The following FHOD3 variants were observed in gnomAD, a reference collection of about 807,000 sequenced individuals.
FHOD3 encodes FH1/FH2 domain-containing protein 3.
Under a neutral mutation model 173.0 loss-of-function variants are expected in FHOD3, and 90 were observed. That is an observed-to-expected ratio of 0.52 (90% CI 0.44 to 0.62). FHOD3 has a LOEUF of 0.62. Among genes scored for constraint, FHOD3 ranks in the 20% least tolerant of loss-of-function variants. FHOD3 has a pLI of 0.00. For missense variants in FHOD3, 1,945 were observed against 2,034.7 expected, an observed-to-expected ratio of 0.96 and a Z score of 0.85; for synonymous variants, 828 against 823.0, an observed-to-expected ratio of 1.01 and a Z score of -0.10.
chr18:36,674,008 C>T (rs960033308), intron 14 of FHOD3, among the ~76,000 whole-genome samples: 5 of 152,172 alleles, frequency 3.3e-5, no homozygotes, highest in Non-Finnish European at 7.4e-5. Flanking sequence ...TTTACCTCTC[C>T]ACCTCACATA....
chr18:36,581,541 C>T (rs2058851527), intron 6 of FHOD3, among the ~76,000 whole-genome samples: 1 of 152,170 alleles, frequency 6.6e-6, no homozygotes, highest in Non-Finnish European at 1.5e-5. Flanking sequence ...TGGATCTCAT[C>T]CTTCCATCTG....
In FHOD3 at chr18:36,759,155, T is replaced by C. The variant is rs2042762068; in HGVS notation, c.4449+14T>C. On this transcript the variant is annotated intron_variant, in intron 26 of 28. Transcript: ENST00000590592. ...GAGGAAGTTGAGGTATGACCATTTA[T>C]GAACATGAAGAATGCCACATTTTAC... is the stretch of plus-strand genomic sequence containing the variant. 6.5e-7 allele frequency: 1 copy of C among 1,535,818 alleles called. No individual in the cohort carries two copies. The highest frequency in any genetic ancestry group is 8.7e-7 in the Non-Finnish European group (1 of 1,146,624).
Position 36,687,164 on chromosome 18 carries a change from A to G in FHOD3, c.2007A>G (p.Gln669=), listed in dbSNP as rs1432552543. 6 of 1,611,232 alleles carry G rather than the reference A, an allele frequency of 3.7e-6. No individual in the cohort carries two copies. The highest frequency in any genetic ancestry group is 4.2e-6 in the Non-Finnish European group (5 of 1,177,966). Residue 669 remains glutamine (Q), a synonymous_variant, in exon 16 of 29, where the codon CAA becomes CAG. Coordinates refer to ENST00000590592, the MANE Select transcript of FHOD3 (RefSeq NM_001281740.3). Reference sequence around the variant, plus strand: ...TAGACAAAAGAGAGGAGCAAAGGCAAGCAAGAGAAGAAAGGTTTGTATATT... The same window carrying G: ...TAGACAAAAGAGAGGAGCAAAGGCAGGCAAGAGAAGAAAGGTTTGTATATT... The part of the protein sequence containing the change: ...DYLDKREEQR[Q]AREERYKYLE...
chr18:36,755,384 G>A, intron 25 of FHOD3, 73 bp downstream of exon 25: 2 of 334,974 alleles, frequency 6.0e-6, no homozygotes, highest in Non-Finnish European at 9.2e-6. Context: ...CCTCCCCACA[G>A]TTAAAAGCTG....
At chr18:36,695,105 G>A (rs1336276360) in intron 17 of FHOD3, among the ~76,000 whole-genome samples, 1 of 151,896 alleles carries the variant, frequency 6.6e-6, no homozygotes, top group Non-Finnish European at 1.5e-5. Context: ...CACTTTGGGA[G>A]GCCGAGGTGG....
At chr18:36,315,081 T>G (rs534868021) in intron 1 of FHOD3, among the ~76,000 whole-genome samples, 1 of 152,008 alleles carries the variant, frequency 6.6e-6, no homozygotes, top group South Asian at 2.1e-4. Context: ...CTCCAGGAAC[T>G]GATAGGCCAT....
chr18:36,407,467 A>AC (rs1436536772), intron 3 of FHOD3, among the ~76,000 whole-genome samples: 1 of 152,028 alleles, frequency 6.6e-6, no homozygotes, highest in Non-Finnish European at 1.5e-5. Flanking sequence ...CCTTGTTATG[A>AC]CCCTCACACT....
chr18:36,561,894 G>A (rs1171537277), intron 5 of FHOD3, among the ~76,000 whole-genome samples: 1 of 152,102 alleles, frequency 6.6e-6, no homozygotes, highest in Non-Finnish European at 1.5e-5. Context: ...ATGTTGGGCA[G>A]GCTTGTAATA....
intron 3 of FHOD3, among the ~76,000 whole-genome samples, chr18:36,448,030 A>G (rs1383698708): frequency 6.6e-6 from 1 of 152,230 alleles, no homozygotes; most frequent in East Asian, 1.9e-4. Flanking sequence ...TTTCCTTTTC[A>G]AAAATAAATA....
intron 3 of FHOD3, among the ~76,000 whole-genome samples, chr18:36,383,312 C>T (rs546868671): frequency 3.9e-4 from 60 of 152,334 alleles, no homozygotes; most frequent in Middle Eastern, 3.4e-3. Flanking sequence ...ATGTGGACAT[C>T]TGAGGCTGGA....
At chr18:36,487,299 A>G (rs78664079) in intron 3 of FHOD3, among the ~76,000 whole-genome samples, 15,321 of 152,210 alleles carry the variant, frequency 0.1, 858 homozygotes, top group East Asian at 0.23. Context: ...CAGGTTCTCC[A>G]TAAGCTTATA....
chr18:36,619,538 T>A (rs965396587), intron 9 of FHOD3, among the ~76,000 whole-genome samples: 1 of 152,230 alleles, frequency 6.6e-6, no homozygotes, highest in Non-Finnish European at 1.5e-5. Context: ...ATTCCTGTGA[T>A]CATTTCCTTA....
intron 5 of FHOD3, among the ~76,000 whole-genome samples, chr18:36,539,613 G>A (rs1160566762): frequency 6.6e-6 from 1 of 152,200 alleles, no homozygotes; most frequent in African/African-American, 2.4e-5. Flanking sequence ...GCAGACCCAG[G>A]CTCTTGGCCA....
At chr18:36,511,817 C>G (rs1299310744) in intron 4 of FHOD3, among the ~76,000 whole-genome samples, 3 of 152,234 alleles carry the variant, frequency 2.0e-5, no homozygotes, top group Non-Finnish European at 4.4e-5. Flanking sequence ...CTTCTGTGAT[C>G]AGGTCTGCAA....
At chr18:36,570,640 T>C (rs1262704066) in intron 5 of FHOD3, among the ~76,000 whole-genome samples, 2 of 152,038 alleles carry the variant, frequency 1.3e-5, no homozygotes, top group East Asian at 3.9e-4. Context: ...CAACAAATAT[T>C]AGTAAATCAA....
At position 36,653,467 on chromosome 18, in the gene FHOD3, C is replaced by T. The variant is rs546848753; in HGVS notation, c.1721+51C>T. 5.4e-5 allele frequency: 69 copies of T among 1,284,096 alleles called. No homozygotes were observed. In the African/African-American group the frequency reaches 1.0e-3, roughly 19 times the overall value. The allele number at this position is 1,284,096 out of a possible 1,614,324, so 79.5% of individuals were successfully genotyped here. A position where few individuals can be genotyped will look rare whatever the true frequency, so the allele number is the denominator to read the frequency against. ...TTTCTGTAGCTTTCTGTTTTATATT[C>T]TAATGTATGCATTTTTCTTTTCAAA... On this transcript the variant is annotated intron_variant, in intron 13 of 28. Coordinates refer to ENST00000590592, the MANE Select transcript of FHOD3 (RefSeq NM_001281740.3).
chr18:36,743,140 T>G (rs957894192), intron 22 of FHOD3, among the ~76,000 whole-genome samples: 2 of 151,864 alleles, frequency 1.3e-5, no homozygotes, highest in Non-Finnish European at 2.9e-5. Flanking sequence ...AAACCCTGTC[T>G]CTACTAAAAA....
At chr18:36,422,793 C>T (rs1223291982) in intron 3 of FHOD3, among the ~76,000 whole-genome samples, 1 of 152,116 alleles carries the variant, frequency 6.6e-6, no homozygotes, top group Non-Finnish European at 1.5e-5. Flanking sequence ...TAAATTAAAT[C>T]TGATTAATTT....
At chr18:36,742,653 T>C in intron 21 of FHOD3, 84 bp from the exon 22 acceptor site, 1 of 1,442,070 alleles carries the variant, frequency 6.9e-7, no homozygotes, top group South Asian at 1.3e-5. Flanking sequence ...ACACCGTGTG[T>C]TATTCCCTTA....
Sources: allele counts gnomAD v4.1 joint callset (sites outside exome capture counted in the v4.1 genomes callset), GRCh38; gene constraint gnomAD v4.1.1; transcripts MANE v1.5; gene names NCBI Gene and HGNC (gene_info 2026-07-23, HGNC 2026-07-21).